SEMA3A: variants seen among roughly 807,000 people sequenced by gnomAD.
SEMA3A encodes semaphorin 3A.
A neutral mutation model predicts 97.9 loss-of-function variants in SEMA3A; 29 were observed. The ratio of observed to expected loss-of-function variants is 0.30; its 90% CI spans 0.22 to 0.40. The LOEUF (loss-of-function observed/expected upper bound fraction) is 0.40. Ranked by LOEUF, SEMA3A falls within the 10% of genes least tolerant of loss-of-function variation. SEMA3A has a pLI of 1.00. For synonymous variants in SEMA3A, 321 were observed against 323.7 expected (o/e 0.99, Z 0.09); for missense variants, 763 against 951.3 (o/e 0.80, Z 2.60).
intron 4 of SEMA3A, among the ~76,000 whole-genome samples, chr7:84,094,734 T>G (rs1045991020): frequency 1.3e-5 from 2 of 152,082 alleles, no homozygotes; most frequent in Non-Finnish European, 2.9e-5. Flanking sequence ...ACACAAAAAC[T>G]CACAAACCTG....
intron 6 of SEMA3A, among the ~76,000 whole-genome samples, chr7:84,040,011 A>G (rs547123489): frequency 2.0e-5 from 3 of 152,056 alleles, no homozygotes; most frequent in Non-Finnish European, 4.4e-5. Flanking sequence ...ATATGAACAC[A>G]TATTTTATCA....
At chr7:84,184,914 A>C (rs1380251844) in intron 1 of SEMA3A, among the ~76,000 whole-genome samples, 1 of 152,144 alleles carries the variant, frequency 6.6e-6, no homozygotes, top group Non-Finnish European at 1.5e-5. Context: ...ACATTGAACA[A>C]TGGAACGTGC....
intron 1 of SEMA3A, among the ~76,000 whole-genome samples, chr7:84,382,527 T>C (rs1357927158): frequency 6.6e-6 from 1 of 151,818 alleles, no homozygotes; most frequent in East Asian, 1.9e-4. Flanking sequence ...CCATTTTAGA[T>C]CCTGTTTCAA....
At chr7:84,459,848 C>A (rs750957032) in intron 1 of SEMA3A, among the ~76,000 whole-genome samples, 1 of 151,972 alleles carries the variant, frequency 6.6e-6, no homozygotes, top group Non-Finnish European at 1.5e-5. Flanking sequence ...GGCAACATGG[C>A]AAAACCCTGT....
intron 1 of SEMA3A, among the ~76,000 whole-genome samples, chr7:84,178,147 G>T (rs1797629709): frequency 6.6e-6 from 1 of 152,032 alleles, no homozygotes. Context: ...TTACCTAATT[G>T]CCCACACTAT....
intron 1 of SEMA3A, among the ~76,000 whole-genome samples, chr7:84,413,082 T>C (rs898505697): frequency 2.6e-5 from 4 of 152,148 alleles, no homozygotes; most frequent in Admixed American, 6.6e-5. Flanking sequence ...TTTTAATTTT[T>C]CTATACATGC....
At chr7:84,353,734 CT>C (rs1472442456) in intron 2 of SEMA3A, among the ~76,000 whole-genome samples, 2 of 151,544 alleles carry the variant, frequency 1.3e-5, no homozygotes, top group Admixed American at 1.3e-4. Context: ...TCAAATTTTC[CT>C]TTTATTCCAT....
chr7:84,236,114 C>A (rs1002614472), intron 3 of SEMA3A, among the ~76,000 whole-genome samples: 1 of 152,106 alleles, frequency 6.6e-6, no homozygotes, highest in Non-Finnish European at 1.5e-5. Flanking sequence ...TCATTTGTTT[C>A]TCTTCCAAAC....
intron 3 of SEMA3A, among the ~76,000 whole-genome samples, chr7:84,217,021 C>A (rs2116329383): frequency 6.6e-6 from 1 of 152,288 alleles, no homozygotes; most frequent in South Asian, 2.1e-4. Context: ...ACAGCAGCAG[C>A]ATGAATGTTA....
intron 3 of SEMA3A, among the ~76,000 whole-genome samples, chr7:84,254,343 AC>A (rs1799670366): frequency 6.6e-6 from 1 of 152,208 alleles, no homozygotes. Flanking sequence ...GAAAAACAAA[AC>A]AAAACAAAAC....
rs1039874214 is a variant in SEMA3A, at chr7:84,373,595, C to G, written c.-245-1695G>C. Among the ~76,000 whole-genome samples, 3 of 152,190 alleles carry G rather than the reference C, an allele frequency of 2.0e-5. No homozygotes were observed. The East Asian group carries it at 5.8e-4, about 29-fold the overall frequency. The stretch of plus-strand genomic sequence containing the variant: ...TCATGCCTTTGAAACGTTGGCAAAG[C>G]TCTAAATTTGTTCCTGAATTTCCAA... On this transcript the variant is annotated intron_variant, in intron 1 of 3. Coordinates refer to the SEMA3A transcript ENST00000424555.
intron 1 of SEMA3A, among the ~76,000 whole-genome samples, chr7:84,432,421 C>CAT (rs547136355): frequency 3.3e-5 from 5 of 152,024 alleles, no homozygotes; most frequent in African/African-American, 1.2e-4. Context: ...TCAGAGGGTA[C>CAT]ATGTGCATGT....
At chr7:83,978,615 T>G (rs1789267610) in intron 14 of SEMA3A, among the ~76,000 whole-genome samples, 1 of 152,306 alleles carries the variant, frequency 6.6e-6, no homozygotes, top group South Asian at 2.1e-4. Context: ...AAATATGGAA[T>G]TTGTTACTGT....
intron 1 of SEMA3A, among the ~76,000 whole-genome samples, chr7:84,433,879 G>A (rs1322694417): frequency 3.2e-4 from 49 of 152,120 alleles, no homozygotes. Flanking sequence ...GTCTTCTTTT[G>A]AGAAGTGTCT....
intron 1 of SEMA3A, among the ~76,000 whole-genome samples, chr7:84,173,933 C>T (rs976302760): frequency 5.3e-5 from 8 of 152,096 alleles, no homozygotes; most frequent in South Asian, 2.1e-4. Flanking sequence ...ATGCTCCTTA[C>T]GAAAATCTAA....
chr7:84,431,127 T>A (rs1804969906), intron 1 of SEMA3A, among the ~76,000 whole-genome samples: 1 of 152,072 alleles, frequency 6.6e-6, no homozygotes, highest in Non-Finnish European at 1.5e-5. Flanking sequence ...CATTGATTGC[T>A]ACTATGTGCA....
intron 1 of SEMA3A, among the ~76,000 whole-genome samples, chr7:84,487,392 G>C (rs1806602476): frequency 6.6e-6 from 1 of 152,042 alleles, no homozygotes; most frequent in Non-Finnish European, 1.5e-5. Context: ...ACCCAGATCT[G>C]GGTAGAAGTG....
At chr7:84,415,294 T>C (rs1804402114) in intron 1 of SEMA3A, among the ~76,000 whole-genome samples, 1 of 152,060 alleles carries the variant, frequency 6.6e-6, no homozygotes, top group Non-Finnish European at 1.5e-5. Flanking sequence ...CAATAGAAAA[T>C]TTACCAAAAT....
At chr7:84,249,255 A>G (rs1799542847) in intron 3 of SEMA3A, among the ~76,000 whole-genome samples, 1 of 152,104 alleles carries the variant, frequency 6.6e-6, no homozygotes, top group Admixed American at 6.6e-5. Flanking sequence ...TTTTAGATTA[A>G]CTTCCAGTAG....
Sources: gnomAD v4.1 joint callset for allele counts (sites outside exome capture counted in the v4.1 genomes callset) on GRCh38, gnomAD v4.1.1 for gene constraint, MANE v1.5 for transcripts, NCBI Gene and HGNC (gene_info 2026-07-23, HGNC 2026-07-21) for gene names.